DCST2: variants seen among roughly 807,000 people sequenced by gnomAD.
The protein encoded by DCST2 is DC-STAMP domain-containing protein 2.
Under a neutral mutation model 81.8 loss-of-function variants are expected in DCST2, and 64 were observed. The ratio of observed to expected loss-of-function variants is 0.78; its 90% CI spans 0.64 to 0.96. DCST2 has a LOEUF of 0.96. Among genes scored for constraint, DCST2 ranks in the 40% least tolerant of loss-of-function variants. The pLI is 0.00. For missense variants in DCST2, 945 were observed against 1,001.4 expected, an observed-to-expected ratio of 0.94 and a Z score of 0.76; for synonymous variants, 354 against 402.6, an observed-to-expected ratio of 0.88 and a Z score of 1.44.
rs762541089 is a variant in DCST2 at position 155,024,616 on chromosome 1, A to T, written c.1612-14T>A. ...GGAGATCCTCTCCTGGTGCGGGGAGATCAGGGATGGGGTCCCACTTGACCC... is the reference window on the plus strand; with the variant it reads ...GGAGATCCTCTCCTGGTGCGGGGAGTTCAGGGATGGGGTCCCACTTGACCC... On this transcript the variant is annotated splice_polypyrimidine_tract_variant and intron_variant, in intron 10 of 14. Transcript: ENST00000368424. 1 of 1,587,082 alleles carries T rather than the reference A, an allele frequency of 6.3e-7. No individual in the cohort carries two copies. Among genetic ancestry groups the T allele is most frequent in the East Asian group, 2.3e-5 (1 of 43,384 alleles).
intron 14 of DCST2, among the ~76,000 whole-genome samples, chr1:155,020,195 C>G (rs1659712487): frequency 6.6e-6 from 1 of 152,198 alleles, no homozygotes; most frequent in African/African-American, 2.4e-5. Context: ...CTAGAAAACC[C>G]TTTTAGTGCT....
chr1:155,030,705 C>T lies in DCST2; in HGVS notation c.806-60G>A. The T allele has an allele frequency of 3.8e-6, 6 of 1,583,562 alleles. No homozygotes were observed. The South Asian group carries it at 6.8e-5, about 18-fold the overall frequency. ...GGAGAGTTAGGAGAGGGTGGAGCTG[C>T]CCCTGGGGAGGGGCCTGGCACAGCC... On this transcript the variant is annotated intron_variant, in intron 5 of 14. Transcript: ENST00000368424.
Position 155,033,728 on chromosome 1 carries a change from T to C in DCST2, c.-27A>G. On this transcript the variant is annotated 5_prime_UTR_variant, in exon 1 of 15. Coordinates refer to ENST00000368424, the MANE Select transcript of DCST2 (RefSeq NM_144622.3). Reference sequence around the variant, plus strand: ...GCTGCTGAGACCAAATGTCTGCCTGTCTCCAGGAGATGCCCGCTGACTTCT... The same window carrying C: ...GCTGCTGAGACCAAATGTCTGCCTGCCTCCAGGAGATGCCCGCTGACTTCT... The C allele has an allele frequency of 1.2e-6, 2 of 1,602,006 alleles. No individual in the cohort carries two copies. Among genetic ancestry groups the C allele is most frequent in the Non-Finnish European group, 1.7e-6 (2 of 1,172,576 alleles).
In DCST2 at chr1:155,031,515, T is replaced by TGC; in HGVS notation, c.739+58_739+59insGC. 9.3e-5 allele frequency: 60 copies of TGC among 643,124 alleles called. 1 individual carries two copies. The highest frequency in any genetic ancestry group is 1.6e-4 in the Non-Finnish European group (54 of 343,056). The allele number at this position is 643,124 out of a possible 1,614,324, so 39.8% of individuals were successfully genotyped here. A position where few individuals can be genotyped will look rare whatever the true frequency, so the allele number is the denominator to read the frequency against. On this transcript the variant is annotated intron_variant, in intron 4 of 14. Transcript: ENST00000368424. ...CTGCCCTCCCAACTGACCCCCACAT[T>TGC]CCCACCCCACCCCACCCCACATCGG...
intron 14 of DCST2, 122 bp from the exon 15 acceptor site, chr1:155,018,882 C>T: frequency 1.0e-6 from 1 of 970,204 alleles, no homozygotes; most frequent in Non-Finnish European, 1.5e-6. Context: ...GCAACTCCTG[C>T]TCTCTCAGGC....
chr1:155,023,307 T>G (rs1571542959), intron 13 of DCST2, 50 bp from the exon 14 acceptor site: 1 of 1,613,106 alleles, frequency 6.2e-7, no homozygotes, highest in Non-Finnish European at 8.5e-7. Flanking sequence ...GGGAGAAGGG[T>G]GCCTACTTCC....
intron 10 of DCST2, among the ~76,000 whole-genome samples, chr1:155,025,849 C>A (rs951830384): frequency 1.3e-5 from 2 of 151,844 alleles, no homozygotes; most frequent in Non-Finnish European, 2.9e-5. Context: ...CCATGCCTGG[C>A]GTTTTATTTT....
In DCST2 at chr1:155,031,732, A is replaced by G; in HGVS notation, c.581T>C (p.Ile194Thr). 1 of 1,613,810 alleles carries G rather than the reference A, an allele frequency of 6.2e-7. No homozygotes were observed. Among genetic ancestry groups the G allele is most frequent in the Non-Finnish European group, 8.5e-7 (1 of 1,180,014 alleles). ...LRNVWQWLLH[I>T]GDVCNSELGN... ...CAGTTCCGAGTTGCACACATCGCCG[A>G]TGTGCAGGAGCCACTGCCACACATT... is the stretch of plus-strand genomic sequence containing the variant. The change falls in exon 4 of 15, where the codon ATC becomes ACC. Residue 194 changes from isoleucine to threonine, a missense_variant. Coordinates refer to ENST00000368424, the MANE Select transcript of DCST2 (RefSeq NM_144622.3).
chr1:155,030,165 T>C lies in DCST2; in HGVS notation c.1096A>G (p.Met366Val), dbSNP rs1236953677. 1 of 1,614,160 alleles carries C rather than the reference T, an allele frequency of 6.2e-7. No individual in the cohort carries two copies. The highest frequency in any genetic ancestry group is 8.5e-7 in the Non-Finnish European group (1 of 1,180,018). Residue 366 changes from methionine (M) to valine (V), a missense_variant, in exon 7 of 15, where the codon ATG becomes GTG. Met to Val is a conservative substitution (Grantham distance 21, BLOSUM62 1). Coordinates refer to ENST00000368424, the MANE Select transcript of DCST2 (RefSeq NM_144622.3). The stretch of plus-strand genomic sequence containing the variant: ...CCTGCCGTGGAGCGCACAGCCTCCA[T>C]GCGCAGGAATCGGCTAGTGATGTAG... Reference protein sequence around the residue: ...NIYITSRFLRMEAVRSTAGLP... With the variant: ...NIYITSRFLRVEAVRSTAGLP...
chr1:155,032,327 A>G lies in DCST2; in HGVS notation c.541+340T>C, dbSNP rs143987877. Among the ~76,000 whole-genome samples, 21 of 144,224 alleles carry G rather than the reference A, an allele frequency of 1.5e-4. No individual in the cohort carries two copies. The East Asian group carries it at 4.4e-3, about 30-fold the overall frequency. The allele number at this position is 144,224 out of a possible 152,430, so 94.6% of individuals were successfully genotyped here. On this transcript the variant is annotated intron_variant, in intron 3 of 14. Transcript: ENST00000368424. The stretch of plus-strand genomic sequence containing the variant: ...TTTTTTTCTTTAGAGATGGAGTCTC[A>G]CACTGTCACCCAGGCTGGATTGGAG...
chr1:155,028,804 C>G (rs1659985199), intron 8 of DCST2, among the ~76,000 whole-genome samples: 2 of 134,906 alleles, frequency 1.5e-5, no homozygotes, highest in African/African-American at 2.8e-5. Flanking sequence ...ACCTGGGAGG[C>G]GGAGGCAGTG....
intron 10 of DCST2, among the ~76,000 whole-genome samples, chr1:155,025,235 C>T (rs1296662047): frequency 6.6e-6 from 1 of 152,026 alleles, no homozygotes. Context: ...TCTTGGCATC[C>T]TTGGAGACTG....
chr1:155,023,021 G>A, intron 14 of DCST2, 96 bp downstream of exon 14: 1 of 1,513,742 alleles, frequency 6.6e-7, no homozygotes, highest in Non-Finnish European at 8.8e-7. Context: ...TTCAAGCCCT[G>A]GCAAAGGTCC....
intron 14 of DCST2, among the ~76,000 whole-genome samples, chr1:155,019,639 C>T (rs887461419): frequency 6.6e-6 from 1 of 152,364 alleles, no homozygotes; most frequent in African/African-American, 2.4e-5. Context: ...CTTAGCCCCT[C>T]CTCTTCCCCA....
intron 10 of DCST2, among the ~76,000 whole-genome samples, chr1:155,025,489 C>T (rs1344409403): frequency 6.7e-6 from 1 of 150,324 alleles, no homozygotes; most frequent in East Asian, 2.0e-4. Context: ...CCACCACGCC[C>T]GGCTAATTTT....
chr1:155,032,164 T>C (rs973005590), intron 3 of DCST2, among the ~76,000 whole-genome samples: 1 of 151,972 alleles, frequency 6.6e-6, no homozygotes, highest in African/African-American at 2.4e-5. Context: ...CGGCTAACTT[T>C]TTGTATTTTT....
intron 11 of DCST2, 23 bp downstream of exon 11, chr1:155,024,449 T>C (rs1422572573): frequency 6.3e-7 from 1 of 1,581,138 alleles, no homozygotes. Context: ...GCCCCACCCC[T>C]ATAGAAAAGA....
Position 155,032,652 on chromosome 1 carries a change from T to A in DCST2, c.541+15A>T, listed in dbSNP as rs1415372448. 27 of 1,612,112 alleles carry A rather than the reference T, an allele frequency of 1.7e-5. No homozygotes were observed. The highest frequency in any genetic ancestry group is 2.2e-5 in the Non-Finnish European group (26 of 1,178,616). The stretch of plus-strand genomic sequence containing the variant: ...GCATTTTGAGTCCCCGGGATAGACA[T>A]GCTAATGTGCTTACCTATGTGTTTC... On this transcript the variant is annotated intron_variant, in intron 3 of 14. Transcript: ENST00000368424.
chr1:155,021,965 C>T (rs1659770092), intron 14 of DCST2, among the ~76,000 whole-genome samples: 1 of 151,362 alleles, frequency 6.6e-6, no homozygotes, highest in South Asian at 2.1e-4. Context: ...CTCCTGGGTT[C>T]AAGCAATTCT....
Sources: gnomAD v4.1 joint callset for allele counts (sites outside exome capture counted in the v4.1 genomes callset) on GRCh38, gnomAD v4.1.1 for gene constraint, MANE v1.5 for transcripts, NCBI Gene and HGNC (gene_info 2026-07-23, HGNC 2026-07-21) for gene names.